The following BCAS3 variants were observed in gnomAD, a reference collection of about 807,000 sequenced individuals.
The protein encoded by BCAS3 is BCAS4/BCAS3 fusion.
A neutral mutation model predicts 116.1 loss-of-function variants in BCAS3; 53 were observed. The observed-to-expected ratio is 0.46, with a 90% confidence interval of 0.37 to 0.57. BCAS3 has a LOEUF of 0.57. Among genes scored for constraint, BCAS3 ranks in the 20% least tolerant of loss-of-function variants. The probability of loss-of-function intolerance (pLI) is 0.00; values close to 1 mark genes in which losing one functional copy is unlikely to be tolerated. For missense variants in BCAS3, 917 were observed against 1,165.4 expected (o/e 0.79, Z 3.10); for synonymous variants, 391 against 408.2 (o/e 0.96, Z 0.51).
chr17:61,257,534 G>A (rs988715079), intron 22 of BCAS3, among the ~76,000 whole-genome samples: 1 of 151,738 alleles, frequency 6.6e-6, no homozygotes, highest in South Asian at 2.1e-4. Flanking sequence ...ATACTTTAGC[G>A]GTCCCAAGAA....
intron 15 of BCAS3, among the ~76,000 whole-genome samples, chr17:61,001,173 T>C (rs1352732518): frequency 6.6e-6 from 1 of 152,162 alleles, no homozygotes; most frequent in Non-Finnish European, 1.5e-5. Context: ...TTTTTCTAAA[T>C]GGAAGTAGTT....
In BCAS3 at chr17:61,080,595, C is replaced by CA. The variant is rs1208263370; in HGVS notation, c.2327+2072dup. On this transcript the variant is annotated intron_variant, in intron 21 of 23. Transcript: ENST00000407086. ...CCATCAAAACCCTACCAAAAAAATA[C>CA]AAAAAATACAAAAAATTAGCCGGGC... Among the ~76,000 whole-genome samples the CA allele has an allele frequency of 1.9e-4, 29 of 151,930 alleles. 1 individual carries two copies. Among genetic ancestry groups the CA allele is most frequent in the Admixed American group, 1.9e-3 (29 of 15,272 alleles).
intron 15 of BCAS3, among the ~76,000 whole-genome samples, chr17:61,006,704 A>C (rs1024969139): frequency 3.3e-5 from 5 of 152,058 alleles, no homozygotes; most frequent in Non-Finnish European, 4.4e-5. Flanking sequence ...TTGAGCACTT[A>C]GTGTCAGTAC....
chr17:60,887,509 A>T (rs1329831624), intron 9 of BCAS3: 3 of 152,152 alleles, frequency 2.0e-5, no homozygotes, highest in African/African-American at 7.2e-5. Flanking sequence ...CCTTTGATCC[A>T]TTTTTGTATG....
chr17:60,766,186 T>TG (rs2044074210), intron 6 of BCAS3, among the ~76,000 whole-genome samples: 1 of 152,244 alleles, frequency 6.6e-6, no homozygotes, highest in Admixed American at 6.5e-5. Context: ...AGCCTACTTA[T>TG]GTCAGCTCAT....
intron 22 of BCAS3, among the ~76,000 whole-genome samples, chr17:61,166,356 C>G (rs1422498924): frequency 2.1e-5 from 3 of 142,060 alleles, no homozygotes; most frequent in Admixed American, 1.4e-4. Context: ...TTTTTCTAAA[C>G]GTTTTATTAT....
intron 13 of BCAS3, among the ~76,000 whole-genome samples, chr17:60,945,278 A>G (rs1331196100): frequency 6.6e-6 from 1 of 152,230 alleles, no homozygotes; most frequent in African/African-American, 2.4e-5. Flanking sequence ...TGCTGTGTTA[A>G]TAGATCAGAA....
At chr17:61,102,872 A>G (rs1241608234) in intron 22 of BCAS3, among the ~76,000 whole-genome samples, 1 of 152,108 alleles carries the variant, frequency 6.6e-6, no homozygotes, top group Non-Finnish European at 1.5e-5. Flanking sequence ...TCCGTAAAAT[A>G]TTTCCTTTCT....
chr17:60,884,813 T>A (rs1381170788), intron 9 of BCAS3, among the ~76,000 whole-genome samples: 1,490 of 140,578 alleles, frequency 0.011, 9 homozygotes, highest in Non-Finnish European at 0.018. Flanking sequence ...GAGAGATAGT[T>A]TGTTATAATT....
rs1174990313 is a variant in BCAS3, at chr17:61,186,394, G to A, written c.2425+101830G>A. Among the ~76,000 whole-genome samples, 1 of 152,084 alleles carries A rather than the reference G, an allele frequency of 6.6e-6. No homozygotes were observed. The highest frequency in any genetic ancestry group is 1.5e-5 in the Non-Finnish European group (1 of 68,010). ...TAACGAAAACATTTTTAACCTGTGT[G>A]TTGATTTTATTACAATTATCTATCC... On this transcript the variant is annotated intron_variant, in intron 22 of 23. Coordinates refer to ENST00000407086, the MANE Select transcript of BCAS3 (RefSeq NM_017679.5). This position sits in a 1 kb window ranked among gnomAD's most constrained non-coding sequence, Gnocchi z 4.9.
At chr17:61,036,782 T>C (rs1262114730) in intron 17 of BCAS3, among the ~76,000 whole-genome samples, 1 of 152,248 alleles carries the variant, frequency 6.6e-6, no homozygotes, top group African/African-American at 2.4e-5. Context: ...TAGATCCATA[T>C]TCAGCACCTA....
intron 15 of BCAS3, chr17:61,002,732 GTGGGGTCATTATGCTAAATGTT>G (rs1219014382): frequency 6.6e-6 from 1 of 152,074 alleles, no homozygotes; most frequent in Non-Finnish European, 1.5e-5. Context: ...ATTTGAGTAT[GTGGGGTCATTATGCTAAATGTT>G]TTTTTATTCT....
intron 22 of BCAS3, among the ~76,000 whole-genome samples, chr17:61,212,093 A>T (rs1011822800): frequency 6.6e-6 from 1 of 152,256 alleles, no homozygotes; most frequent in Non-Finnish European, 1.5e-5. Context: ...TGTCATTTGT[A>T]AAACAAAATA....
chr17:60,810,239 G>A, intron 7 of BCAS3: 2 of 433,880 alleles, frequency 4.6e-6, no homozygotes, highest in East Asian at 5.7e-5. Context: ...CCCAGCTATG[G>A]CACCCAGCCA....
rs759735371 is a variant in BCAS3, at chr17:61,028,518, ATTC to A, written c.1638-6140_1638-6138del. Among the ~76,000 whole-genome samples, 5 of 151,904 alleles carry A rather than the reference ATTC, an allele frequency of 3.3e-5. No individual in the cohort carries two copies. The highest frequency in any genetic ancestry group is 7.2e-5 in the African/African-American group (3 of 41,426). ...AGAATTAAATTCCATTTTAGGATAAATTCTTCTTCTAAGTACAAAGCAAAGAGT... is the reference window on the plus strand; with the variant it reads ...AGAATTAAATTCCATTTTAGGATAAATTCTTCTAAGTACAAAGCAAAGAGT... On this transcript the variant is annotated intron_variant, in intron 16 of 23. Coordinates refer to ENST00000407086, the MANE Select transcript of BCAS3 (RefSeq NM_017679.5). This position sits in a 1 kb window ranked among gnomAD's most constrained non-coding sequence, Gnocchi z 4.3.
intron 14 of BCAS3, among the ~76,000 whole-genome samples, chr17:60,981,292 T>C (rs1363835718): frequency 6.6e-6 from 1 of 152,052 alleles, no homozygotes; most frequent in Non-Finnish European, 1.5e-5. Flanking sequence ...ATTTTTTTTT[T>C]TTCTTGAGAC....
At chr17:61,155,984 T>C (rs2077812410) in intron 22 of BCAS3, among the ~76,000 whole-genome samples, 1 of 152,142 alleles carries the variant, frequency 6.6e-6, no homozygotes, top group Non-Finnish European at 1.5e-5. Context: ...TATACTCTTA[T>C]TTCAGAATTG....
intron 22 of BCAS3, among the ~76,000 whole-genome samples, chr17:61,194,740 C>CAAAA (rs35551914): frequency 8.1e-6 from 1 of 122,912 alleles, no homozygotes. Flanking sequence ...GACTCTGTCT[C>CAAAA]AAAAAAAAAA....
chr17:61,359,427 TTAAGG>T (rs996056906), intron 22 of BCAS3, among the ~76,000 whole-genome samples: 5 of 151,870 alleles, frequency 3.3e-5, no homozygotes, highest in Non-Finnish European at 7.4e-5. Flanking sequence ...AGCGGGTTTT[TTAAGG>T]TGAGATCAAG....
Sources: gnomAD v4.1 joint callset for allele counts (sites outside exome capture counted in the v4.1 genomes callset) on GRCh38, gnomAD v4.1.1 for gene constraint, Gnocchi (gnomAD v3.1) non-coding constraint, MANE v1.5 for transcripts, NCBI Gene and HGNC (gene_info 2026-07-23, HGNC 2026-07-21) for gene names.